The following PDE3A variants were observed in gnomAD, a reference collection of about 807,000 sequenced individuals.
PDE3A encodes the protein cGMP-inhibited 3',5'-cyclic phosphodiesterase 3A.
Under a neutral mutation model 98.3 loss-of-function variants are expected in PDE3A, and 43 were observed. The observed-to-expected ratio is 0.44, with a 90% confidence interval of 0.34 to 0.56. The LOEUF is 0.56. Among genes scored for constraint, PDE3A ranks in the 20% least tolerant of loss-of-function variants. The pLI is 0.01. For synonymous variants in PDE3A, 663 were observed against 567.9 expected (o/e 1.17, Z -2.38); for missense variants, 1,427 against 1,440.7 (o/e 0.99, Z 0.15).
intron 1 of PDE3A, among the ~76,000 whole-genome samples, chr12:20,442,361 A>G (rs929656110): frequency 2.6e-5 from 4 of 152,212 alleles, no homozygotes; most frequent in African/African-American, 9.6e-5. Flanking sequence ...ATGTTTGTGT[A>G]GATTGAAGGG....
At chr12:20,601,262 G>C (rs1592098638) in intron 2 of PDE3A, among the ~76,000 whole-genome samples, 1 of 146,280 alleles carries the variant, frequency 6.8e-6, no homozygotes, top group Non-Finnish European at 1.5e-5. Flanking sequence ...TTGTTTGTTT[G>C]TTTTTTGGCT....
At chr12:20,599,820 C>T (rs1943546345) in intron 2 of PDE3A, among the ~76,000 whole-genome samples, 1 of 152,184 alleles carries the variant, frequency 6.6e-6, no homozygotes, top group South Asian at 2.1e-4. Context: ...CTATGATCTT[C>T]ATTTTTCTAT....
At chr12:20,651,877 C>T (rs1944927555) in intron 14 of PDE3A, among the ~76,000 whole-genome samples, 1 of 152,162 alleles carries the variant, frequency 6.6e-6, no homozygotes, top group African/African-American at 2.4e-5. Flanking sequence ...ATTAACTCAT[C>T]ATTTAGCATT....
chr12:20,635,587 AAAAAGAAAG>A (rs1944488297), intron 8 of PDE3A, among the ~76,000 whole-genome samples: 1 of 149,756 alleles, frequency 6.7e-6, no homozygotes. Context: ...CAAAAAAAAA[AAAAAGAAAG>A]AAAGAAATTA....
chr12:20,539,389 T>G (rs1002669642), intron 1 of PDE3A, among the ~76,000 whole-genome samples: 1 of 152,080 alleles, frequency 6.6e-6, no homozygotes, highest in Non-Finnish European at 1.5e-5. Context: ...GGGCATCCTG[T>G]GGCAAAAAAA....
chr12:20,499,381 T>C (rs1426321741), intron 1 of PDE3A, among the ~76,000 whole-genome samples: 2 of 152,176 alleles, frequency 1.3e-5, no homozygotes, highest in East Asian at 3.8e-4. Context: ...GAGACTTTCA[T>C]AAGGATGCCG....
chr12:20,370,412 T>G (rs868713004), intron 1 of PDE3A, 168 bp downstream of exon 1: 303 of 453,388 alleles, frequency 6.7e-4, no homozygotes, highest in Middle Eastern at 1.2e-3. Flanking sequence ...TTTTTTTGTT[T>G]TTTTTTTTTT....
intron 9 of PDE3A, among the ~76,000 whole-genome samples, chr12:20,638,098 C>A (rs1217262123): frequency 6.6e-6 from 1 of 152,106 alleles, no homozygotes; most frequent in South Asian, 2.1e-4. Flanking sequence ...CCCAGATCTA[C>A]TGGGGCCACT....
chr12:20,616,949 G>T (rs542798360), intron 4 of PDE3A, among the ~76,000 whole-genome samples: 4 of 152,036 alleles, frequency 2.6e-5, no homozygotes, highest in Non-Finnish European at 2.9e-5. Flanking sequence ...CTAAAGAAAA[G>T]GTTATATTAA....
chr12:20,405,743 G>A (rs1011731811), intron 1 of PDE3A, among the ~76,000 whole-genome samples: 2 of 152,054 alleles, frequency 1.3e-5, no homozygotes, highest in Admixed American at 6.6e-5. Context: ...GGGTGGTGGC[G>A]ACCATACTTA....
chr12:20,660,797 T>C (rs4616084), intron 15 of PDE3A, among the ~76,000 whole-genome samples: 82,272 of 151,954 alleles, frequency 0.54, 23,318 homozygotes, highest in East Asian at 0.73. Context: ...ATTAAACCTC[T>C]TTCCTTTGTA....
chr12:20,679,428 T>A (rs1278290035), intron 15 of PDE3A, among the ~76,000 whole-genome samples: 1 of 152,074 alleles, frequency 6.6e-6, no homozygotes, highest in Non-Finnish European at 1.5e-5. Context: ...TTTGTATTTT[T>A]AGTAGAGACA....
chr12:20,621,290 T>G lies in PDE3A; in HGVS notation c.1425-6T>G. ...TCTTTTAATTCTGTCTTTCTGGTGC[T>G]TTTAGTCCTGATTCTTGGAATAATC... On this transcript the variant is annotated splice_polypyrimidine_tract_variant and splice_region_variant and intron_variant, in intron 4 of 15. Transcript: ENST00000359062. The G allele has an allele frequency of 6.8e-7, 1 of 1,470,644 alleles. No homozygotes were observed. The highest frequency in any genetic ancestry group is 9.5e-7 in the Non-Finnish European group (1 of 1,049,736). The allele number at this position is 1,470,644 out of a possible 1,614,324, so 91.1% of individuals were successfully genotyped here.
At chr12:20,510,480 G>A (rs920235823) in intron 1 of PDE3A, among the ~76,000 whole-genome samples, 5 of 152,012 alleles carry the variant, frequency 3.3e-5, no homozygotes, top group South Asian at 4.1e-4. Flanking sequence ...GAGAAATAGC[G>A]GAAAGTAGTT....
intron 1 of PDE3A, among the ~76,000 whole-genome samples, chr12:20,477,473 A>C (rs766647679): frequency 7.2e-5 from 11 of 152,142 alleles, no homozygotes; most frequent in Non-Finnish European, 1.3e-4. Flanking sequence ...TCTGTTGTTA[A>C]ATACTTTTTT....
intron 1 of PDE3A, among the ~76,000 whole-genome samples, chr12:20,456,481 T>C (rs904989809): frequency 6.6e-6 from 1 of 152,132 alleles, no homozygotes; most frequent in African/African-American, 2.4e-5. Flanking sequence ...TGTATCTCTC[T>C]GTATTGCAGC....
chr12:20,650,543 A>G lies in PDE3A; in HGVS notation c.2868A>G (p.Lys956=), dbSNP rs1944892020. The change falls in exon 14 of 16, where the codon AAA becomes AAG. Residue 956 remains lysine (K), a synonymous_variant. Transcript: ENST00000359062. ...IKLADINGPA[K]CKELHLQWTD... ...TGGCTGATATCAATGGTCCAGCTAA[A>G]TGTAAAGAACTCCATCTTCAGTGGA... The G allele has an allele frequency of 6.2e-7, 1 of 1,612,056 alleles. No homozygotes were observed. The highest frequency in any genetic ancestry group is 8.5e-7 in the Non-Finnish European group (1 of 1,178,370).
intron 2 of PDE3A, among the ~76,000 whole-genome samples, chr12:20,604,522 A>G (rs796943583): frequency 2.6e-5 from 4 of 152,260 alleles, no homozygotes; most frequent in South Asian, 4.1e-4. Flanking sequence ...AACCAGGCTT[A>G]GCTTTCTAGC....
intron 1 of PDE3A, among the ~76,000 whole-genome samples, chr12:20,444,388 C>G (rs74065096): frequency 0.046 from 7,035 of 152,226 alleles, 544 homozygotes; most frequent in African/African-American, 0.16. Context: ...AGCAATGTCT[C>G]TTAAACCCAT....
Sources: allele counts gnomAD v4.1 joint callset (sites outside exome capture counted in the v4.1 genomes callset), GRCh38; gene constraint gnomAD v4.1.1; transcripts MANE v1.5; gene names NCBI Gene and HGNC (gene_info 2026-07-23, HGNC 2026-07-21).